LMNB2: variants seen among roughly 807,000 people sequenced by gnomAD.
LMNB2 encodes lamin-B2.
In LMNB2, 17 loss-of-function variants were observed where a neutral mutation model predicts 69.3. The observed-to-expected ratio is 0.25, with a 90% confidence interval of 0.17 to 0.37. LMNB2 has a LOEUF of 0.37. Among genes scored for constraint, LMNB2 ranks in the 10% least tolerant of loss-of-function variants. The pLI is 1.00. For missense variants in LMNB2, 789 were observed against 883.6 expected, an observed-to-expected ratio of 0.89 and a Z score of 1.36; for synonymous variants, 397 against 389.3, an observed-to-expected ratio of 1.02 and a Z score of -0.23.
intron 11 of LMNB2, 129 bp downstream of exon 11, chr19:2,431,419 A>C (rs1599329268): frequency 8.3e-7 from 1 of 1,207,018 alleles, no homozygotes; most frequent in Non-Finnish European, 1.2e-6. Flanking sequence ...GGCTGGCTTC[A>C]CCCTGAGCCA....
intron 4 of LMNB2, among the ~76,000 whole-genome samples, chr19:2,437,491 C>G (rs528986414): frequency 6.6e-6 from 1 of 152,324 alleles, no homozygotes; most frequent in East Asian, 1.9e-4. Flanking sequence ...CAAAATAGAC[C>G]TTCCTTGACA....
intron 4 of LMNB2, among the ~76,000 whole-genome samples, chr19:2,435,393 C>A (rs536139996): frequency 1.4e-3 from 207 of 152,344 alleles, no homozygotes; most frequent in African/African-American, 4.7e-3. Context: ...GACACCGCCA[C>A]AGCATGGATG....
intron 4 of LMNB2, among the ~76,000 whole-genome samples, chr19:2,435,434 C>T (rs556067592): frequency 6.6e-6 from 1 of 152,168 alleles, no homozygotes; most frequent in Non-Finnish European, 1.5e-5. Flanking sequence ...CAATGAGAGA[C>T]GCCAGACACA....
At chr19:2,445,378 C>T (rs538920647) in intron 1 of LMNB2, among the ~76,000 whole-genome samples, 16 of 152,224 alleles carry the variant, frequency 1.1e-4, no homozygotes, top group African/African-American at 3.1e-4. Flanking sequence ...CTGGGCTGTT[C>T]CCTGGGATGG....
chr19:2,439,013 G>C (rs921959022), intron 2 of LMNB2, among the ~76,000 whole-genome samples: 6 of 139,534 alleles, frequency 4.3e-5, no homozygotes, highest in African/African-American at 1.3e-4. Flanking sequence ...AATACTACCA[G>C]TGTGGATTGT....
chr19:2,431,088 C>T (rs968150460), intron 11 of LMNB2, 136 bp from the exon 12 acceptor site: 1 of 712,920 alleles, frequency 1.4e-6, no homozygotes, highest in African/African-American at 1.7e-5. Context: ...GCCTTCCATT[C>T]CACTTCCATG....
intron 1 of LMNB2, among the ~76,000 whole-genome samples, chr19:2,451,039 G>A (rs1972016182): frequency 6.6e-6 from 1 of 151,832 alleles, no homozygotes; most frequent in Non-Finnish European, 1.5e-5. Flanking sequence ...TCAGGAGTTC[G>A]AGACCAGCCT....
rs761508814 is a variant in LMNB2 at position 2,456,706 on chromosome 19, G to C, written c.228C>G (p.Leu76=). The C allele has an allele frequency of 9.0e-6, 14 of 1,560,550 alleles. No homozygotes were observed. In the African/African-American group the frequency reaches 1.8e-4, roughly 21 times the overall value. ...TCACCTCCTCCTTCTCTGAGATCTTGAGCAGGAGCCGGTCGTTCTCCAGCT... is the reference window on the plus strand; with the variant it reads ...TCACCTCCTCCTTCTCTGAGATCTTCAGCAGGAGCCGGTCGTTCTCCAGCT... The part of the protein sequence containing the change: ...ALELENDRLL[L]KISEKEEVTT... The change falls in exon 1 of 12, where the codon CTC becomes CTG. Residue 76 remains leucine, a synonymous_variant. Coordinates refer to ENST00000325327, the MANE Select transcript of LMNB2 (RefSeq NM_032737.4).
At chr19:2,440,694 A>T (rs761505179) in intron 2 of LMNB2, among the ~76,000 whole-genome samples, 3 of 147,774 alleles carry the variant, frequency 2.0e-5, no homozygotes, top group Admixed American at 1.3e-4. Context: ...TCCATCCCTC[A>T]ATCATCTATC....
In LMNB2 at chr19:2,434,981, CACCCGCCT is replaced by C; in HGVS notation, c.855+12_855+19del. 1 of 1,600,582 alleles carries C rather than the reference CACCCGCCT, an allele frequency of 6.2e-7. No individual in the cohort carries two copies. Among genetic ancestry groups the C allele is most frequent in the Non-Finnish European group, 8.5e-7 (1 of 1,177,742 alleles). On this transcript the variant is annotated intron_variant, in intron 5 of 11. Transcript: ENST00000325327. ...GGGGTTCCCACCGGCCGCCCCCGCC[CACCCGCCT>C]GCCGGCCACACCTTGGCCTGGTAGG...
rs1347609415 is a variant in LMNB2, at chr19:2,433,866, A to C, written c.1442T>G (p.Leu481Arg). 1 of 1,613,288 alleles carries C rather than the reference A, an allele frequency of 6.2e-7. No individual in the cohort carries two copies. The change falls in exon 8 of 12, where the codon CTG (leucine) becomes CGG (arginine). Residue 481 changes from leucine to arginine, a missense_variant. Coordinates refer to ENST00000325327, the MANE Select transcript of LMNB2 (RefSeq NM_032737.4). Reference sequence around the variant, plus strand: ...CTTGAGCTGCACAAACTTGCCCTCCAGGTCGATCTCCTCGATGCTGACGCT... The same window carrying C: ...CTTGAGCTGCACAAACTTGCCCTCCCGGTCGATCTCCTCGATGCTGACGCT... ...SGSVSIEEIDLEGKFVQLKNN... is the reference protein window; with the variant it reads ...SGSVSIEEIDREGKFVQLKNN...
chr19:2,440,735 T>A (rs995268352), intron 2 of LMNB2, among the ~76,000 whole-genome samples: 2 of 151,574 alleles, frequency 1.3e-5, no homozygotes, highest in African/African-American at 4.9e-5. Context: ...CATCCATCCA[T>A]CCATCTATCC....
At position 2,434,467 on chromosome 19, in the gene LMNB2, C is replaced by G; in HGVS notation, c.1030G>C (p.Gly344Arg). ...RIRELEEAMA[G>R]ERDKFRKMLD... is the part of the protein sequence containing the mutation. ...ATCTTCCGGAACTTGTCCCGCTCCC[C>G]GGCCATGGCCTCCTCCAGCTCCCGA... is the stretch of plus-strand genomic sequence containing the variant. Residue 344 changes from glycine to arginine, a missense_variant, in exon 7 of 12, where the codon GGG becomes CGG. Gly to Arg is a moderately radical substitution (Grantham distance 125, BLOSUM62 -2). Around this residue, in one of 3 missense-constraint regions of LMNB2, gnomAD observed 609 missense variants for 630.9 expected, o/e 0.97. Transcript: ENST00000325327. 1.2e-6 allele frequency: 2 copies of G among 1,613,330 alleles called. No individual in the cohort carries two copies. The highest frequency in any genetic ancestry group is 1.7e-6 in the Non-Finnish European group (2 of 1,179,966).
intron 1 of LMNB2, among the ~76,000 whole-genome samples, chr19:2,455,439 T>C (rs1972076435): frequency 6.6e-6 from 1 of 151,830 alleles, no homozygotes; most frequent in South Asian, 2.1e-4. Context: ...CTCCTTGGAA[T>C]CCTCTGAGGG....
At position 2,434,042 on chromosome 19, in the gene LMNB2, G is replaced by A. The variant is rs371758548; in HGVS notation, c.1266C>T (p.Ser422=). Residue 422 remains serine, a synonymous_variant, in exon 8 of 12, where the codon AGC becomes AGT. Coordinates refer to ENST00000325327, the MANE Select transcript of LMNB2 (RefSeq NM_032737.4). ...GGCGCCCGGTGGCGGACAAGCTGCC[G>A]CTGCTGCTCGAGGTGGCTCGTGAGA... ...VTVSRATSSS[S]GSLSATGRLG... is the part of the protein sequence containing the mutation. The A allele has an allele frequency of 1.3e-5, 21 of 1,601,852 alleles. No homozygotes were observed. Among genetic ancestry groups the A allele is most frequent in the African/African-American group, 4.0e-5 (3 of 74,812 alleles).
chr19:2,428,937 T>C lies in LMNB2; in HGVS notation c.*1974A>G, dbSNP rs1971697376. 6.6e-6 allele frequency: 1 copy of C among 151,590 alleles called. No homozygotes were observed. Among genetic ancestry groups the C allele is most frequent in the Non-Finnish European group, 1.5e-5 (1 of 67,946 alleles). The allele number at this position is 151,590 out of a possible 1,614,324, so 9.4% of individuals were successfully genotyped here. A position where few individuals can be genotyped will look rare whatever the true frequency, so the allele number is the denominator to read the frequency against. On this transcript the variant is annotated 3_prime_UTR_variant, in exon 12 of 12. Coordinates refer to ENST00000325327, the MANE Select transcript of LMNB2 (RefSeq NM_032737.4). ...AGCTCCACCCAAGGCAAATGTAGGG[T>C]GGGGGGTTCTGTGGGCCTGGGGCGT...
chr19:2,446,760 GAGTC>G (rs1157742787), intron 1 of LMNB2, among the ~76,000 whole-genome samples: 1 of 152,176 alleles, frequency 6.6e-6, no homozygotes, highest in Non-Finnish European at 1.5e-5. Flanking sequence ...GCTCCCCCAA[GAGTC>G]ACAGAGCCAC....
Position 2,431,776 on chromosome 19 carries a change from C to A in LMNB2, c.1710+7G>T, listed in dbSNP as rs144445359. The A allele has an allele frequency of 1.2e-5, 19 of 1,613,890 alleles. No homozygotes were observed. The highest frequency in any genetic ancestry group is 1.5e-5 in the Non-Finnish European group (18 of 1,179,896). On this transcript the variant is annotated splice_region_variant and intron_variant, in intron 10 of 11. Coordinates refer to ENST00000325327, the MANE Select transcript of LMNB2 (RefSeq NM_032737.4). ...AGCCGAGCACCCCCCAAGCCACACACACCCACCTCGCCATCCGCGTTAACC... is the reference window on the plus strand; with the variant it reads ...AGCCGAGCACCCCCCAAGCCACACAAACCCACCTCGCCATCCGCGTTAACC...
In LMNB2 at chr19:2,428,890, C is replaced by G. The variant is rs1667888612; in HGVS notation, c.*2021G>C. On this transcript the variant is annotated 3_prime_UTR_variant, in exon 12 of 12. Transcript: ENST00000325327. ...CCCCACCCCCTTCAGCTAAGGGCAC[C>G]CGCAGTCCTAGGACCACCCCCAGCT... The G allele has an allele frequency of 1.3e-5, 2 of 152,218 alleles. No individual in the cohort carries two copies. The highest frequency in any genetic ancestry group is 1.3e-4 in the Admixed American group (2 of 15,286). The allele number at this position is 152,218 out of a possible 1,614,324, so 9.4% of individuals were successfully genotyped here.
Sources: allele counts gnomAD v4.1 joint callset (sites outside exome capture counted in the v4.1 genomes callset), GRCh38; gene constraint gnomAD v4.1.1; regional missense constraint gnomAD v4.1.1; transcripts MANE v1.5; gene names NCBI Gene and HGNC (gene_info 2026-07-23, HGNC 2026-07-21).